The following NAV2 variants were observed in gnomAD, a reference collection of about 807,000 sequenced individuals.
NAV2 encodes the protein neuron navigator 2.
NAV2 carries 54 observed loss-of-function variants against 223.2 expected under a neutral mutation model. The observed-to-expected ratio is 0.24, with a 90% confidence interval of 0.19 to 0.30. The LOEUF is 0.30. Ranked by LOEUF, NAV2 falls within the 10% of genes least tolerant of loss-of-function variation. The pLI, the probability that NAV2 is intolerant of heterozygous loss-of-function variation, is 1.00. For missense variants in NAV2, 2,806 were observed against 3,147.5 expected, an observed-to-expected ratio of 0.89 and a Z score of 2.60; for synonymous variants, 1,279 against 1,239.3, an observed-to-expected ratio of 1.03 and a Z score of -0.67.
intron 1 of NAV2, among the ~76,000 whole-genome samples, chr11:19,369,911 C>G (rs547596810): frequency 6.6e-6 from 1 of 152,162 alleles, no homozygotes; most frequent in Non-Finnish European, 1.5e-5. Flanking sequence ...TCAAGTGGCT[C>G]TAAGACCTGG....
chr11:19,550,598 T>G (rs2044659755), intron 1 of NAV2, among the ~76,000 whole-genome samples: 2 of 152,230 alleles, frequency 1.3e-5, no homozygotes, highest in African/African-American at 4.8e-5. Context: ...AAAGGGACTG[T>G]GTACGTGCAC....
chr11:19,549,599 G>A (rs1051691671), intron 1 of NAV2, among the ~76,000 whole-genome samples: 2 of 152,218 alleles, frequency 1.3e-5, no homozygotes, highest in African/African-American at 4.8e-5. Flanking sequence ...CAGCTAATGG[G>A]AGCCAGGCTA....
intron 1 of NAV2, among the ~76,000 whole-genome samples, chr11:19,560,396 C>T (rs1356510302): frequency 6.6e-6 from 1 of 152,150 alleles, no homozygotes; most frequent in Non-Finnish European, 1.5e-5. Context: ...CAAGTCTTGG[C>T]TCTGCTACTT....
Position 20,045,208 on chromosome 11 carries a change from C to G in NAV2, c.3440C>G (p.Ala1147Gly). ...GGGGTGACTGTCACCAGCAGGTCAG[C>G]CACACTGGGCAAAATCCCAAAGTCA... ...ASGVTVTSRS[A>G]TLGKIPKSSA... The change falls in exon 14 of 38, where the codon GCC becomes GGC. Residue 1147 changes from alanine to glycine, a missense_variant. By Grantham distance (60) the Ala-to-Gly change is moderately conservative. Transcript: ENST00000349880. 2.5e-6 allele frequency: 4 copies of G among 1,614,180 alleles called. No individual in the cohort carries two copies. Among genetic ancestry groups the G allele is most frequent in the Non-Finnish European group, 3.4e-6 (4 of 1,180,038 alleles).
At position 20,002,485 on chromosome 11, in the gene NAV2, A is replaced by G. The variant is rs549129086; in HGVS notation, c.2768+18238A>G. On this transcript the variant is annotated intron_variant, in intron 11 of 37. Coordinates refer to ENST00000349880, the MANE Select transcript of NAV2 (RefSeq NM_145117.5). ...GAGGGCAGAACAAGAGCACTGTAGC[A>G]TGGGTCAGAAGGAAGGCTTCCTGGA... is the stretch of plus-strand genomic sequence containing the variant. Among the ~76,000 whole-genome samples, 4 of 152,286 alleles carry G rather than the reference A, an allele frequency of 2.6e-5. No individual in the cohort carries two copies. The East Asian group carries it at 5.8e-4, about 22-fold the overall frequency.
At chr11:19,776,303 A>G (rs962769692) in intron 1 of NAV2, among the ~76,000 whole-genome samples, 3 of 152,122 alleles carry the variant, frequency 2.0e-5, no homozygotes, top group African/African-American at 7.2e-5. Flanking sequence ...AGGATGCTGG[A>G]CCTAGGACAA....
At chr11:19,936,414 A>G (rs1328016509) in intron 7 of NAV2, among the ~76,000 whole-genome samples, 1 of 152,188 alleles carries the variant, frequency 6.6e-6, no homozygotes, top group Non-Finnish European at 1.5e-5. Context: ...AAGCTTTTCT[A>G]TCAGAAGAAA....
intron 1 of NAV2, among the ~76,000 whole-genome samples, chr11:19,539,578 G>A (rs941847597): frequency 3.9e-5 from 6 of 152,082 alleles, no homozygotes; most frequent in African/African-American, 1.2e-4. Flanking sequence ...TTAGAGAGTC[G>A]TTTAACAATG....
At chr11:20,003,936 ATCTATT>A (rs1688358734) in intron 11 of NAV2, among the ~76,000 whole-genome samples, 1 of 152,214 alleles carries the variant, frequency 6.6e-6, no homozygotes, top group Admixed American at 6.5e-5. Flanking sequence ...TAATAATACT[ATCTATT>A]TCTAGTTACT....
chr11:19,436,003 C>T (rs917716028), intron 1 of NAV2, among the ~76,000 whole-genome samples: 5 of 151,892 alleles, frequency 3.3e-5, no homozygotes, highest in Non-Finnish European at 7.4e-5. Flanking sequence ...CAAATATTTC[C>T]CCCCAGTCTC....
At chr11:19,832,861 G>A (rs971144578) in intron 2 of NAV2, among the ~76,000 whole-genome samples, 1 of 152,166 alleles carries the variant, frequency 6.6e-6, no homozygotes, top group African/African-American at 2.4e-5. Context: ...GGAAATGCTG[G>A]TGGTTTGGGG....
chr11:19,822,621 A>G (rs774667278), intron 1 of NAV2, among the ~76,000 whole-genome samples: 5 of 152,136 alleles, frequency 3.3e-5, no homozygotes, highest in Non-Finnish European at 5.9e-5. Flanking sequence ...GTGGGCAGGT[A>G]TTAGGGTTTA....
intron 6 of NAV2, among the ~76,000 whole-genome samples, chr11:19,927,078 CT>C (rs904096323): frequency 3.3e-5 from 5 of 152,226 alleles, no homozygotes; most frequent in African/African-American, 9.6e-5. Context: ...CCAAACCAAA[CT>C]TTTTCCCTCC....
chr11:19,562,228 C>G (rs180929527), intron 1 of NAV2, among the ~76,000 whole-genome samples: 5 of 152,216 alleles, frequency 3.3e-5, no homozygotes, highest in Admixed American at 3.3e-4. Flanking sequence ...CATTTAGTCT[C>G]GCAACATCCA....
At chr11:19,710,930 C>G (rs949052144), upstream of NAV2, 1 of 152,218 alleles carries the variant, frequency 6.6e-6, no homozygotes, top group Non-Finnish European at 1.5e-5. Context: ...AGTTAAAACA[C>G]AGCTCCTAAT....
At chr11:20,025,532 C>G (rs547511605) in intron 11 of NAV2, among the ~76,000 whole-genome samples, 3 of 152,088 alleles carry the variant, frequency 2.0e-5, no homozygotes, top group Non-Finnish European at 2.9e-5. Context: ...CTAAGGCATC[C>G]GGAGCTTTGG....
At chr11:19,498,033 G>A (rs2042853058) in intron 1 of NAV2, among the ~76,000 whole-genome samples, 1 of 152,220 alleles carries the variant, frequency 6.6e-6, no homozygotes, top group Admixed American at 6.5e-5. Context: ...GCACTGAGAA[G>A]TTAAGTGACT....
Position 19,749,613 on chromosome 11 carries a change from G to A in NAV2, c.267+35651G>A, listed in dbSNP as rs142074603. Among the ~76,000 whole-genome samples the A allele has an allele frequency of 3.5e-3, 539 of 152,252 alleles. 6 individuals carry two copies. Among genetic ancestry groups the A allele is most frequent in the African/African-American group, 0.013 (521 of 41,532 alleles). On this transcript the variant is annotated intron_variant, in intron 1 of 37. Transcript: ENST00000349880. Reference sequence around the variant, plus strand: ...CAAAAATGTTAGGACAGGGATTACCGAGATGGAAATTCGGTTACGTTACCT... The same window carrying A: ...CAAAAATGTTAGGACAGGGATTACCAAGATGGAAATTCGGTTACGTTACCT...
chr11:19,378,559 C>T (rs1202602869), intron 1 of NAV2, among the ~76,000 whole-genome samples: 1 of 138,248 alleles, frequency 7.2e-6, no homozygotes, highest in Non-Finnish European at 1.5e-5. Context: ...TAGGGCCGGT[C>T]GTGATAACAG....
Sources: allele counts gnomAD v4.1 joint callset (sites outside exome capture counted in the v4.1 genomes callset), GRCh38; gene constraint gnomAD v4.1.1; transcripts MANE v1.5; gene names NCBI Gene and HGNC (gene_info 2026-07-23, HGNC 2026-07-21).